Variants in ZCCHC2 observed in about 807,000 individuals in gnomAD.
ZCCHC2 encodes zinc finger CCHC-type containing 2.
Under a neutral mutation model 103.6 loss-of-function variants are expected in ZCCHC2, and 39 were observed. The observed-to-expected ratio is 0.38, with a 90% CI of 0.29 to 0.49. ZCCHC2 has a LOEUF of 0.49. ZCCHC2 is among the 20% of genes least tolerant of loss of function. The pLI, the probability that ZCCHC2 is intolerant of heterozygous loss-of-function variation, is 0.96. For synonymous variants in ZCCHC2, 687 were observed against 608.9 expected (o/e 1.13, Z -1.89); for missense variants, 1,483 against 1,491.0 (o/e 0.99, Z 0.09).
intron 1 of ZCCHC2, among the ~76,000 whole-genome samples, chr18:62,532,485 A>G (rs1181427415): frequency 6.6e-6 from 1 of 152,162 alleles, no homozygotes; most frequent in African/African-American, 2.4e-5. Context: ...ATTTAATCAT[A>G]CTATCTTTTC....
chr18:62,538,511 A>G (rs1307575159), intron 1 of ZCCHC2, among the ~76,000 whole-genome samples: 8 of 152,200 alleles, frequency 5.3e-5, no homozygotes, highest in African/African-American at 1.9e-4. Context: ...CTGCATTTTT[A>G]AAAAACCAGT....
At chr18:62,568,025 G>A (rs543493369) in intron 11 of ZCCHC2, among the ~76,000 whole-genome samples, 14 of 150,792 alleles carry the variant, frequency 9.3e-5, no homozygotes, top group Non-Finnish European at 1.9e-4. Flanking sequence ...TGCCAATTGT[G>A]GCACCAAAAA....
At position 62,574,530 on chromosome 18, in the gene ZCCHC2, T is replaced by G. The variant is rs1162715305; in HGVS notation, c.2449T>G (p.Leu817Val). Residue 817 changes from leucine to valine, a missense_variant, in exon 13 of 14, where the codon TTG (leucine) becomes GTG (valine). Leu to Val is a conservative substitution (Grantham distance 32). Coordinates refer to ENST00000269499, the MANE Select transcript of ZCCHC2 (RefSeq NM_017742.6). ...ALHLTVQRLK[L>V]PPPQGSSESC... Reference sequence around the variant, plus strand: ...GCATCTTACAGTTCAGAGGCTAAAGTTGCCACCACCACAGGGATCTTCTGA... The same window carrying G: ...GCATCTTACAGTTCAGAGGCTAAAGGTGCCACCACCACAGGGATCTTCTGA... The G allele has an allele frequency of 6.2e-7, 1 of 1,614,006 alleles. No individual in the cohort carries two copies. Among genetic ancestry groups the G allele is most frequent in the Admixed American group, 1.7e-5 (1 of 60,032 alleles).
intron 4 of ZCCHC2, among the ~76,000 whole-genome samples, chr18:62,547,868 G>A (rs534827157): frequency 6.6e-6 from 1 of 152,006 alleles, no homozygotes; most frequent in South Asian, 2.1e-4. Context: ...CTGGTCCCCT[G>A]TTTTTTTCTT....
At chr18:62,558,792 T>C (rs1915996201) in intron 7 of ZCCHC2, 22 bp downstream of exon 7, 1 of 1,466,164 alleles carries the variant, frequency 6.8e-7, no homozygotes, top group East Asian at 2.5e-5. Context: ...TTCACTAGAG[T>C]AAATCATTCT....
chr18:62,567,277 G>T (rs921080352), intron 11 of ZCCHC2, among the ~76,000 whole-genome samples: 4 of 152,110 alleles, frequency 2.6e-5, no homozygotes, highest in African/African-American at 4.8e-5. Context: ...ATTTTTTTAT[G>T]GAACAACAGC....
At chr18:62,567,470 G>T (rs1916415040) in intron 11 of ZCCHC2, among the ~76,000 whole-genome samples, 1 of 152,062 alleles carries the variant, frequency 6.6e-6, no homozygotes, top group Non-Finnish European at 1.5e-5. Context: ...CATTTATGTA[G>T]CTCAGAATTT....
At chr18:62,557,488 C>G (rs1293145418) in intron 6 of ZCCHC2, among the ~76,000 whole-genome samples, 1 of 152,124 alleles carries the variant, frequency 6.6e-6, no homozygotes, top group Non-Finnish European at 1.5e-5. Flanking sequence ...TTAATGCTAA[C>G]GTAATTATCA....
chr18:62,529,529 G>A (rs1318062616), intron 1 of ZCCHC2, among the ~76,000 whole-genome samples: 1 of 152,190 alleles, frequency 6.6e-6, no homozygotes, highest in Non-Finnish European at 1.5e-5. Context: ...GGAAATTTTA[G>A]GTTGGTTTGG....
rs1401088053 is a variant in ZCCHC2 at position 62,563,061 on chromosome 18, G to C, written c.1603G>C (p.Glu535Gln). ...GGATGGGCTTACCATGCAATATTCTGAACAGAATGGAATTGTGGATTGGAG... is the reference window on the plus strand; with the variant it reads ...GGATGGGCTTACCATGCAATATTCTCAACAGAATGGAATTGTGGATTGGAG... ...PLDGLTMQYS[E>Q]QNGIVDWRKQ... The change falls in exon 9 of 14, where the codon GAA becomes CAA. Residue 535 changes from glutamate to glutamine, a missense_variant. By Grantham distance (29) the Glu-to-Gln change is conservative. Transcript: ENST00000269499. The C allele has an allele frequency of 5.6e-6, 9 of 1,613,910 alleles. No individual in the cohort carries two copies. In the South Asian group the frequency reaches 9.9e-5, roughly 18 times the overall value.
chr18:62,576,752 T>G lies in ZCCHC2; in HGVS notation c.*173T>G. The G allele has an allele frequency of 1.7e-6, 1 of 600,334 alleles. No homozygotes were observed. Among genetic ancestry groups the G allele is most frequent in the Non-Finnish European group, 2.9e-6 (1 of 345,830 alleles). 37.2% of individuals were successfully genotyped at this position (600,334 alleles called of 1,614,324 possible). On this transcript the variant is annotated 3_prime_UTR_variant, in exon 14 of 14. Coordinates refer to ENST00000269499, the MANE Select transcript of ZCCHC2 (RefSeq NM_017742.6). ...TCCAAAACAAGAAAGAATGCAATGCTTTTGAGCCTCTGGTCTCCTGGTTCA... is the reference window on the plus strand; with the variant it reads ...TCCAAAACAAGAAAGAATGCAATGCGTTTGAGCCTCTGGTCTCCTGGTTCA...
chr18:62,543,658 C>G (rs1915294974), intron 3 of ZCCHC2, among the ~76,000 whole-genome samples: 1 of 152,192 alleles, frequency 6.6e-6, no homozygotes, highest in Non-Finnish European at 1.5e-5. Context: ...CCTTCTGGCT[C>G]TAAAGCTCCC....
intron 11 of ZCCHC2, among the ~76,000 whole-genome samples, chr18:62,568,358 C>A (rs140496475): frequency 0.01 from 1,565 of 152,292 alleles, 29 homozygotes; most frequent in African/African-American, 0.035. Flanking sequence ...TCTGTCTTCA[C>A]TTTCCACATC....
intron 1 of ZCCHC2, among the ~76,000 whole-genome samples, chr18:62,537,676 G>T (rs1335007523): frequency 1.3e-5 from 2 of 152,124 alleles, no homozygotes; most frequent in African/African-American, 4.8e-5. Context: ...TTGTTTATCT[G>T]TTCATCCATT....
chr18:62,559,409 T>C (rs1916026179), intron 7 of ZCCHC2, among the ~76,000 whole-genome samples: 1 of 152,232 alleles, frequency 6.6e-6, no homozygotes, highest in South Asian at 2.1e-4. Context: ...GCAGCCTCAC[T>C]GGTAGTCAGG....
chr18:62,544,979 T>C (rs763085775), intron 4 of ZCCHC2, 106 bp downstream of exon 4: 7 of 936,208 alleles, frequency 7.5e-6, no homozygotes, highest in Non-Finnish European at 1.1e-5. Flanking sequence ...CAGATAAAGG[T>C]TGGCTCAGAA....
chr18:62,555,212 T>A (rs149188216), intron 5 of ZCCHC2, among the ~76,000 whole-genome samples: 1 of 152,316 alleles, frequency 6.6e-6, no homozygotes, highest in East Asian at 1.9e-4. Flanking sequence ...GTAAACTTCC[T>A]GGTAGATTCT....
Position 62,564,628 on chromosome 18 carries a change from A to G in ZCCHC2, c.1744A>G (p.Thr582Ala), listed in dbSNP as rs1054066540. 3.9e-6 allele frequency: 6 copies of G among 1,543,232 alleles called. No homozygotes were observed. The highest frequency in any genetic ancestry group is 5.3e-6 in the Non-Finnish European group (6 of 1,142,320). The change falls in exon 10 of 14, where the codon ACA becomes GCA. Residue 582 changes from threonine to alanine, a missense_variant. By Grantham distance (58) the Thr-to-Ala change is moderately conservative. Transcript: ENST00000269499. Reference protein sequence around the residue: ...SINKKKGKPQTEKEKIKKTDN... With the variant: ...SINKKKGKPQAEKEKIKKTDN... ...AAATAAGAAGAAAGGAAAGCCACAA[A>G]CAGAAAAGTAGGTTCAATTTAAGGA...
intron 7 of ZCCHC2, 53 bp from the exon 8 acceptor site, chr18:62,560,534 T>G: frequency 6.9e-7 from 1 of 1,449,698 alleles, no homozygotes; most frequent in Non-Finnish European, 9.7e-7. Context: ...CATCCTACTG[T>G]TGGTTTTTGC....
Sources: allele counts gnomAD v4.1 joint callset (sites outside exome capture counted in the v4.1 genomes callset), GRCh38; gene constraint gnomAD v4.1.1; transcripts MANE v1.5; gene names NCBI Gene and HGNC (gene_info 2026-07-23, HGNC 2026-07-21).